SLIT3: variants seen among roughly 807,000 people sequenced by gnomAD.
SLIT3 encodes the protein slit guidance ligand 3.
A neutral mutation model predicts 184.0 loss-of-function variants in SLIT3; 68 were observed. That is an observed-to-expected ratio of 0.37 (90% CI 0.30 to 0.45). SLIT3 has a LOEUF of 0.45. SLIT3 is among the 20% of genes least tolerant of loss of function. The pLI is 1.00. For missense variants in SLIT3, 1,707 were observed against 2,026.0 expected, an observed-to-expected ratio of 0.84 and a Z score of 3.02; for synonymous variants, 831 against 828.6, an observed-to-expected ratio of 1.00 and a Z score of -0.05.
At chr5:169,059,270 C>T (rs559013176) in intron 4 of SLIT3, among the ~76,000 whole-genome samples, 10 of 152,014 alleles carry the variant, frequency 6.6e-5, no homozygotes, top group Non-Finnish European at 1.5e-4. Flanking sequence ...CACTGTCCCC[C>T]CTCTAGGAGC....
At chr5:168,831,264 C>T (rs1297744442) in intron 6 of SLIT3, among the ~76,000 whole-genome samples, 2 of 150,396 alleles carry the variant, frequency 1.3e-5, no homozygotes, top group African/African-American at 2.5e-5. Context: ...GGCGATGGGT[C>T]TCCAAGGGCA....
chr5:169,057,972 C>T (rs1208476871), intron 4 of SLIT3, among the ~76,000 whole-genome samples: 1 of 152,188 alleles, frequency 6.6e-6, no homozygotes, highest in Non-Finnish European at 1.5e-5. Context: ...ATGAAATCAG[C>T]TATAGAAAAT....
chr5:168,892,869 C>T (rs766025417), intron 4 of SLIT3, among the ~76,000 whole-genome samples: 4 of 152,176 alleles, frequency 2.6e-5, no homozygotes, highest in African/African-American at 7.2e-5. Flanking sequence ...CTCAATTTAG[C>T]GACAAGGCAG....
chr5:169,016,421 G>T (rs1756377594), intron 4 of SLIT3, among the ~76,000 whole-genome samples: 1 of 152,138 alleles, frequency 6.6e-6, no homozygotes, highest in African/African-American at 2.4e-5. Context: ...CTGGCGGAGT[G>T]ATTTTTATGA....
Position 169,251,414 on chromosome 5 carries a change from G to A in SLIT3, c.243C>T (p.Phe81=), listed in dbSNP as rs748812027. ...AGACTCGGAGGTTCTTGAGCCCAGC[G>A]AAGTCCATCTTGGTGATCCTGGTGA... ...NNITRITKMD[F]AGLKNLRVLH... The change falls in exon 2 of 36, where the codon TTC becomes TTT. Residue 81 remains phenylalanine, a synonymous_variant. Coordinates refer to ENST00000519560, the MANE Select transcript of SLIT3 (RefSeq NM_003062.4). 9.3e-6 allele frequency: 15 copies of A among 1,613,286 alleles called. No homozygotes were observed. The highest frequency in any genetic ancestry group is 5.5e-5 in the South Asian group (5 of 91,058).
chr5:169,037,999 G>A (rs1452449292), intron 4 of SLIT3: 1 of 152,188 alleles, frequency 6.6e-6, no homozygotes, highest in African/African-American at 2.4e-5. Flanking sequence ...AGTATCTTCA[G>A]TATGTGTCTA....
At chr5:168,813,031 T>C (rs968228875) in intron 8 of SLIT3, among the ~76,000 whole-genome samples, 4 of 152,214 alleles carry the variant, frequency 2.6e-5, no homozygotes, top group African/African-American at 9.6e-5. Context: ...CCTGAAAAAG[T>C]GTACGACGTG....
intron 4 of SLIT3, among the ~76,000 whole-genome samples, chr5:168,917,859 C>T (rs993723777): frequency 2.6e-5 from 4 of 152,180 alleles, no homozygotes; most frequent in African/African-American, 9.7e-5. Context: ...AATCTTCTCT[C>T]CCAGGACAGA....
chr5:168,988,120 G>A (rs1208088916), intron 4 of SLIT3, among the ~76,000 whole-genome samples: 1 of 152,216 alleles, frequency 6.6e-6, no homozygotes. Context: ...GTGTCAGGGA[G>A]TCTGGTGAAT....
chr5:168,839,919 C>CA (rs138907776), intron 6 of SLIT3, among the ~76,000 whole-genome samples: 3,292 of 152,272 alleles, frequency 0.022, 131 homozygotes, highest in African/African-American at 0.074. Context: ...TAGCCAGGGC[C>CA]AGGCCTAGGG....
At chr5:168,734,115 C>A (rs1477370161) in intron 20 of SLIT3, among the ~76,000 whole-genome samples, 1 of 152,146 alleles carries the variant, frequency 6.6e-6, no homozygotes, top group African/African-American at 2.4e-5. Flanking sequence ...ACTAAAAGCC[C>A]AGACTTTACC....
intron 4 of SLIT3, among the ~76,000 whole-genome samples, chr5:169,081,653 G>A (rs927262593): frequency 2.6e-5 from 4 of 152,176 alleles, no homozygotes; most frequent in Non-Finnish European, 4.4e-5. Context: ...CTTCCATTGA[G>A]CAGCACATGG....
chr5:169,219,184 G>T (rs114852686), intron 3 of SLIT3, among the ~76,000 whole-genome samples: 1,613 of 152,206 alleles, frequency 0.011, 43 homozygotes, highest in African/African-American at 0.037. Context: ...TTTATTATCA[G>T]AAGAAAAAAG....
At chr5:168,965,589 T>C (rs1360101429) in intron 4 of SLIT3, among the ~76,000 whole-genome samples, 1 of 152,376 alleles carries the variant, frequency 6.6e-6, no homozygotes, top group Non-Finnish European at 1.5e-5. Flanking sequence ...TTCTGGTGTA[T>C]CTTTTGCTCA....
intron 4 of SLIT3, among the ~76,000 whole-genome samples, chr5:169,088,531 G>C (rs1019740064): frequency 6.6e-6 from 1 of 152,042 alleles, no homozygotes; most frequent in African/African-American, 2.4e-5. Context: ...CTGAGCCAGG[G>C]ATTTACAACT....
chr5:169,068,072 A>G (rs1013606381), intron 4 of SLIT3, among the ~76,000 whole-genome samples: 1 of 152,170 alleles, frequency 6.6e-6, no homozygotes, highest in Non-Finnish European at 1.5e-5. Flanking sequence ...TTATCTCTCT[A>G]TTAGGTAATA....
chr5:168,762,162 T>A (rs1343666550), intron 15 of SLIT3, among the ~76,000 whole-genome samples: 1 of 152,096 alleles, frequency 6.6e-6, no homozygotes, highest in Admixed American at 6.6e-5. Flanking sequence ...ATTTAATCAT[T>A]CTAGTTGTTT....
chr5:169,031,110 T>C (rs1227654245), intron 4 of SLIT3, among the ~76,000 whole-genome samples: 1 of 152,184 alleles, frequency 6.6e-6, no homozygotes. Flanking sequence ...GTGTAAGCAG[T>C]GGCTTCAGGA....
chr5:168,779,094 G>A (rs1281497262), intron 12 of SLIT3, among the ~76,000 whole-genome samples: 3 of 152,220 alleles, frequency 2.0e-5, no homozygotes, highest in South Asian at 4.1e-4. Context: ...ACTTCACAAG[G>A]CCAGGTACTC....
Sources: gnomAD v4.1 joint callset for allele counts (sites outside exome capture counted in the v4.1 genomes callset) on GRCh38, gnomAD v4.1.1 for gene constraint, MANE v1.5 for transcripts, NCBI Gene and HGNC (gene_info 2026-07-23, HGNC 2026-07-21) for gene names.